CSMD1: variants seen among roughly 807,000 people sequenced by gnomAD.
CSMD1 encodes CUB and Sushi multiple domains 1.
In CSMD1, 213 loss-of-function variants were observed where a neutral mutation model predicts 417.5. The ratio of observed to expected loss-of-function variants is 0.51; its 90% CI spans 0.46 to 0.57. The LOEUF is 0.57. Among genes scored for constraint, CSMD1 ranks in the 20% least tolerant of loss-of-function variants. The pLI is 0.00. For synonymous variants in CSMD1, 2,862 were observed against 1,736.8 expected, an observed-to-expected ratio of 1.65 and a Z score of -16.11; for missense variants, 6,923 against 4,529.7, an observed-to-expected ratio of 1.53 and a Z score of -15.17.
chr8:4,120,988 C>T (rs1802454476), intron 3 of CSMD1, among the ~76,000 whole-genome samples: 1 of 152,144 alleles, frequency 6.6e-6, no homozygotes, highest in Non-Finnish European at 1.5e-5. Context: ...ATACATGAAA[C>T]ATGAACCTTT....
intron 50 of CSMD1, chr8:3,043,921 A>G (rs1428557637): frequency 6.6e-6 from 1 of 152,430 alleles, no homozygotes; most frequent in Non-Finnish European, 1.5e-5. Context: ...CCTTTTTTGT[A>G]TAAATATTCA....
chr8:4,866,421 T>C (rs1454084815), intron 1 of CSMD1, among the ~76,000 whole-genome samples: 1 of 152,052 alleles, frequency 6.6e-6, no homozygotes, highest in Non-Finnish European at 1.5e-5. Flanking sequence ...TTCTCTAAGA[T>C]AATCTTGATA....
chr8:4,788,475 A>T, intron 1 of CSMD1: 1 of 1,320,232 alleles, frequency 7.6e-7, no homozygotes, highest in Non-Finnish European at 1.1e-6. Context: ...TTTACTGCTC[A>T]GATATTTGGG....
intron 2 of CSMD1, among the ~76,000 whole-genome samples, chr8:4,436,711 C>T (rs536591087): frequency 1.3e-5 from 2 of 152,100 alleles, no homozygotes; most frequent in South Asian, 4.1e-4. Flanking sequence ...ATCCTACTCC[C>T]TATGTCCATG....
chr8:4,590,717 G>C (rs931659790), intron 2 of CSMD1, among the ~76,000 whole-genome samples: 6 of 152,028 alleles, frequency 3.9e-5, no homozygotes, highest in African/African-American at 1.4e-4. Flanking sequence ...TAGATTTTTT[G>C]TTGTTTGTTG....
chr8:4,365,050 G>A (rs1274171892), intron 3 of CSMD1, among the ~76,000 whole-genome samples: 1 of 152,028 alleles, frequency 6.6e-6, no homozygotes, highest in African/African-American at 2.4e-5. Flanking sequence ...TCAATTGTGA[G>A]GACATTTTCC....
At chr8:3,183,646 G>T (rs1821570204) in intron 36 of CSMD1, among the ~76,000 whole-genome samples, 3 of 151,900 alleles carry the variant, frequency 2.0e-5, no homozygotes. Context: ...ATCCACCGAC[G>T]TCACGAACTG....
chr8:4,399,044 C>A (rs750924919), intron 3 of CSMD1, among the ~76,000 whole-genome samples: 4 of 152,138 alleles, frequency 2.6e-5, no homozygotes, highest in Non-Finnish European at 5.9e-5. Context: ...GACAAGTGTT[C>A]TGTAAGAATC....
intron 2 of CSMD1, among the ~76,000 whole-genome samples, chr8:4,597,913 T>C (rs2130754060): frequency 6.6e-6 from 1 of 152,212 alleles, no homozygotes; most frequent in South Asian, 2.1e-4. Flanking sequence ...TGGTGGGTAC[T>C]AAAATTATGG....
intron 6 of CSMD1, among the ~76,000 whole-genome samples, chr8:3,751,245 T>A (rs1797321775): frequency 6.6e-6 from 1 of 151,756 alleles, no homozygotes; most frequent in South Asian, 2.1e-4. Flanking sequence ...CTTTTGACCG[T>A]TTTAGAATTA....
intron 3 of CSMD1, among the ~76,000 whole-genome samples, chr8:4,343,277 G>A (rs547462084): frequency 5.7e-4 from 86 of 152,188 alleles, no homozygotes; most frequent in African/African-American, 1.9e-3. Flanking sequence ...TTGTGGGGAA[G>A]TGAATATAGA....
At chr8:4,215,260 T>A (rs547359306) in intron 3 of CSMD1, among the ~76,000 whole-genome samples, 5 of 152,210 alleles carry the variant, frequency 3.3e-5, no homozygotes, top group African/African-American at 1.2e-4. Context: ...CTCCTGTTCA[T>A]AGCCAAATGC....
At chr8:4,344,689 G>T (rs963269349) in intron 3 of CSMD1, among the ~76,000 whole-genome samples, 1 of 152,036 alleles carries the variant, frequency 6.6e-6, no homozygotes, top group African/African-American at 2.4e-5. Flanking sequence ...TATTAAAAAT[G>T]TTTCCTAAAA....
chr8:2,977,087 TAAC>T (rs2128936537), intron 55 of CSMD1, among the ~76,000 whole-genome samples: 1 of 152,234 alleles, frequency 6.6e-6, no homozygotes, highest in Admixed American at 6.5e-5. Context: ...AAAGATTTAA[TAAC>T]AACTTTATTC....
chr8:4,203,869 G>C lies in CSMD1; in HGVS notation c.416-171770C>G, dbSNP rs545971004. Among the ~76,000 whole-genome samples the C allele has an allele frequency of 9.9e-5, 15 of 152,278 alleles. No homozygotes were observed. In the South Asian group the frequency reaches 1.0e-3, roughly 11 times the overall value. On this transcript the variant is annotated intron_variant, in intron 3 of 69. Coordinates refer to ENST00000635120, the MANE Select transcript of CSMD1 (RefSeq NM_033225.6). Reference sequence around the variant, plus strand: ...AATCCCAGCACTTTTGGAAGGCTGAGGTAGGTGGATCCCTTGAGCCAAGGA... The same window carrying C: ...AATCCCAGCACTTTTGGAAGGCTGACGTAGGTGGATCCCTTGAGCCAAGGA...
chr8:4,284,229 G>A (rs762388763), intron 3 of CSMD1, among the ~76,000 whole-genome samples: 52 of 152,106 alleles, frequency 3.4e-4, no homozygotes, highest in African/African-American at 7.5e-4. Flanking sequence ...TTAGCTGGGC[G>A]TGGTGGCACG....
chr8:2,966,304 G>C (rs934273493), intron 58 of CSMD1, among the ~76,000 whole-genome samples: 2 of 152,128 alleles, frequency 1.3e-5, no homozygotes, highest in African/African-American at 4.8e-5. Flanking sequence ...GTGGTCTACA[G>C]ACAAAGTCTG....
chr8:3,629,797 A>G (rs1796687495), intron 7 of CSMD1, among the ~76,000 whole-genome samples: 1 of 152,232 alleles, frequency 6.6e-6, no homozygotes, highest in Non-Finnish European at 1.5e-5. Flanking sequence ...CAGTATAAGG[A>G]AAGGCTAAAA....
chr8:3,662,354 A>T (rs1482194), intron 7 of CSMD1, among the ~76,000 whole-genome samples: 1 of 152,144 alleles, frequency 6.6e-6, no homozygotes, highest in African/African-American at 2.4e-5. Context: ...CTCTCTCCCC[A>T]CTCCTCCTCT....
Sources: allele counts gnomAD v4.1 joint callset (sites outside exome capture counted in the v4.1 genomes callset), GRCh38; gene constraint gnomAD v4.1.1; transcripts MANE v1.5; gene names NCBI Gene and HGNC (gene_info 2026-07-23, HGNC 2026-07-21).